Variants in DOK6 observed in about 807,000 individuals in gnomAD.
The protein encoded by DOK6 is docking protein 6, also known as downstream of tyrosine kinase 6.
DOK6 carries 22 observed loss-of-function variants against 44.0 expected under a neutral mutation model. The ratio of observed to expected loss-of-function variants is 0.50; its 90% CI spans 0.36 to 0.71. The LOEUF (loss-of-function observed/expected upper bound fraction) is 0.71, where lower values mean the gene tolerates loss of function less well. DOK6 is among the 30% of genes least tolerant of loss of function. The probability of loss-of-function intolerance (pLI) is 0.00; values close to 1 mark genes in which losing one functional copy is unlikely to be tolerated. For missense variants in DOK6, 340 were observed against 416.4 expected (o/e 0.82, Z 1.60); for synonymous variants, 166 against 145.5 (o/e 1.14, Z -1.01).
chr18:69,674,267 T>C (rs1985870596), intron 3 of DOK6, among the ~76,000 whole-genome samples: 1 of 152,194 alleles, frequency 6.6e-6, no homozygotes, highest in Non-Finnish European at 1.5e-5. Flanking sequence ...GAAATTCAGC[T>C]TATGTGCAGC....
At chr18:69,576,478 C>G (rs1983241599) in intron 2 of DOK6, among the ~76,000 whole-genome samples, 1 of 152,004 alleles carries the variant, frequency 6.6e-6, no homozygotes, top group East Asian at 1.9e-4. Context: ...AAAAATAAGC[C>G]AAGGATACAA....
In DOK6 at chr18:69,548,964, G is replaced by A. The variant is rs145348138; in HGVS notation, c.67-15523G>A. Among the ~76,000 whole-genome samples, 1,034 of 150,922 alleles carry A rather than the reference G, an allele frequency of 6.9e-3. 20 individuals carry two copies. The highest frequency in any genetic ancestry group is 0.024 in the African/African-American group (1,002 of 41,394). ...AAAAAAATTAGCTGGGCGAGGTGGCGGGCGCCTGTAGTTCCAGCTACTCGG... is the reference window on the plus strand; with the variant it reads ...AAAAAAATTAGCTGGGCGAGGTGGCAGGCGCCTGTAGTTCCAGCTACTCGG... On this transcript the variant is annotated intron_variant, in intron 1 of 7. Coordinates refer to ENST00000382713, the MANE Select transcript of DOK6 (RefSeq NM_152721.6).
chr18:69,691,224 TA>T, intron 4 of DOK6, among the ~76,000 whole-genome samples: 1 of 150,612 alleles, frequency 6.6e-6, no homozygotes, highest in Admixed American at 6.7e-5. Flanking sequence ...AATAAATAAA[TA>T]AATAAAAATA....
intron 1 of DOK6, among the ~76,000 whole-genome samples, chr18:69,402,930 G>A (rs1487796809): frequency 6.6e-6 from 1 of 152,194 alleles, no homozygotes; most frequent in African/African-American, 2.4e-5. Flanking sequence ...CCTCGCAGCC[G>A]GGACGGAATG....
intron 3 of DOK6, chr18:69,663,136 T>C (rs1392077378): frequency 6.6e-6 from 1 of 152,258 alleles, no homozygotes; most frequent in Non-Finnish European, 1.5e-5. Flanking sequence ...AAAACTGGAA[T>C]GGATCTGGCC....
intron 1 of DOK6, among the ~76,000 whole-genome samples, chr18:69,536,418 A>C (rs1982123990): frequency 6.6e-6 from 1 of 152,218 alleles, no homozygotes; most frequent in African/African-American, 2.4e-5. Context: ...CTGCAAAGTA[A>C]AAGGGAATGC....
intron 1 of DOK6, among the ~76,000 whole-genome samples, chr18:69,450,034 C>A (rs1300274877): frequency 7.7e-6 from 1 of 129,260 alleles, no homozygotes; most frequent in Non-Finnish European, 1.6e-5. Flanking sequence ...CAGTTCCTCA[C>A]CAGCAACGGA....
chr18:69,474,719 T>C (rs772671584), intron 1 of DOK6, among the ~76,000 whole-genome samples: 6 of 152,176 alleles, frequency 3.9e-5, no homozygotes, highest in Non-Finnish European at 8.8e-5. Flanking sequence ...ACTAAAATAG[T>C]TCAAAAGGTT....
At chr18:69,841,206 T>A (rs754611710) in intron 7 of DOK6, 38 bp from the exon 8 acceptor site, 2 of 1,612,674 alleles carry the variant, frequency 1.2e-6, no homozygotes, top group Non-Finnish European at 1.7e-6. Context: ...TGCTTCTGAA[T>A]CTGTTTCTCA....
intron 7 of DOK6, among the ~76,000 whole-genome samples, chr18:69,839,199 C>G (rs1982139190): frequency 6.7e-6 from 1 of 150,160 alleles, no homozygotes; most frequent in Non-Finnish European, 1.5e-5. Flanking sequence ...CGAGCCTCAT[C>G]TCCTTAGCTC....
chr18:69,703,152 A>G (rs1038638328), intron 5 of DOK6, among the ~76,000 whole-genome samples: 1 of 152,174 alleles, frequency 6.6e-6, no homozygotes. Context: ...TTGTCTTGGC[A>G]TTATCTCTTT....
At chr18:69,650,452 T>A (rs1342935695) in intron 3 of DOK6, among the ~76,000 whole-genome samples, 1 of 151,970 alleles carries the variant, frequency 6.6e-6, no homozygotes. Context: ...AGACCCGGGG[T>A]CCTAAAAAGG....
chr18:69,711,182 C>A (rs1461213952), intron 5 of DOK6, among the ~76,000 whole-genome samples: 1 of 152,182 alleles, frequency 6.6e-6, no homozygotes. Context: ...AAAACAAATG[C>A]ACAGAGATCC....
At chr18:69,677,430 A>C (rs1220921969) in intron 3 of DOK6, among the ~76,000 whole-genome samples, 2 of 151,652 alleles carry the variant, frequency 1.3e-5, no homozygotes, top group East Asian at 3.9e-4. Flanking sequence ...TATTTTAAGT[A>C]AATTTTCCTC....
intron 3 of DOK6, among the ~76,000 whole-genome samples, chr18:69,646,326 G>A (rs1985071841): frequency 6.6e-6 from 1 of 152,010 alleles, no homozygotes; most frequent in African/African-American, 2.4e-5. Context: ...TCTGACAGAA[G>A]GTGTTTGCTT....
At chr18:69,517,719 A>C (rs1981569036) in intron 1 of DOK6, among the ~76,000 whole-genome samples, 1 of 136,432 alleles carries the variant, frequency 7.3e-6, no homozygotes, top group Non-Finnish European at 1.6e-5. Flanking sequence ...GAGTTGTGCT[A>C]TACAGCTTGG....
chr18:69,499,922 G>A (rs567950219), intron 1 of DOK6, among the ~76,000 whole-genome samples: 4 of 152,108 alleles, frequency 2.6e-5, no homozygotes, highest in Non-Finnish European at 5.9e-5. Flanking sequence ...TGCAGATCCT[G>A]AATGCTAACA....
chr18:69,768,958 T>TGTGTGTGTGTGTGTGTGTGC (rs1326378521), intron 7 of DOK6, among the ~76,000 whole-genome samples: 1 of 149,598 alleles, frequency 6.7e-6, no homozygotes, highest in East Asian at 2.0e-4. Flanking sequence ...GGTGTGCGTG[T>TGTGTGTGTGTGTGTGTGTGC]GTGTGTGTGT....
intron 7 of DOK6, among the ~76,000 whole-genome samples, chr18:69,806,215 A>G (rs538455486): frequency 6.6e-6 from 1 of 152,114 alleles, no homozygotes; most frequent in East Asian, 1.9e-4. Context: ...CATTAATGGT[A>G]TCCACATAGC....
Sources: gnomAD v4.1 joint callset for allele counts (sites outside exome capture counted in the v4.1 genomes callset) on GRCh38, gnomAD v4.1.1 for gene constraint, MANE v1.5 for transcripts, NCBI Gene and HGNC (gene_info 2026-07-23, HGNC 2026-07-21) for gene names.